CEP162: variants seen among roughly 807,000 people sequenced by gnomAD.
CEP162 encodes centrosomal protein 162, also known as centrosomal protein of 162 kDa.
A neutral mutation model predicts 169.2 loss-of-function variants in CEP162; 141 were observed. The ratio of observed to expected loss-of-function variants is 0.83; its 90% CI spans 0.73 to 0.96. The LOEUF is 0.96. Among genes scored for constraint, CEP162 ranks in the 40% least tolerant of loss-of-function variants. CEP162 has a pLI of 0.00. For missense variants in CEP162, 1,600 were observed against 1,587.2 expected (o/e 1.01, Z -0.14); for synonymous variants, 540 against 526.4 (o/e 1.03, Z -0.35).
intron 9 of CEP162, among the ~76,000 whole-genome samples, chr6:84,195,729 C>T (rs1439006569): frequency 6.6e-6 from 1 of 152,118 alleles, no homozygotes; most frequent in Non-Finnish European, 1.5e-5. Context: ...GGCAATTTTC[C>T]AACTCTTGCG....
intron 3 of CEP162, among the ~76,000 whole-genome samples, chr6:84,216,736 G>A (rs769167418): frequency 1.1e-4 from 16 of 152,148 alleles, no homozygotes; most frequent in Non-Finnish European, 2.2e-4. Context: ...TATGTGGAGA[G>A]AATTGATATG....
intron 25 of CEP162, among the ~76,000 whole-genome samples, chr6:84,144,426 C>T (rs1588719356): frequency 6.6e-6 from 1 of 151,988 alleles, no homozygotes; most frequent in Non-Finnish European, 1.5e-5. Flanking sequence ...ATATCAAGTG[C>T]ATTATAATGA....
At position 84,215,806 on chromosome 6, in the gene CEP162, G is replaced by A. The variant is rs1208166051; in HGVS notation, c.289C>T (p.Leu97Phe). 6.3e-7 allele frequency: 1 copy of A among 1,592,464 alleles called. No individual in the cohort carries two copies. Among genetic ancestry groups the A allele is most frequent in the Non-Finnish European group, 8.6e-7 (1 of 1,167,660 alleles). The change falls in exon 4 of 27, where the codon CTC becomes TTC. Residue 97 changes from leucine to phenylalanine, a missense_variant. Transcript: ENST00000403245. ...GTTTCTAAGCTATCAGTACTTAAGA[G>A]AGAGGTTCCACTGCTCTTAAGAAAT... ...IQFLKSSGTS[L>F]LSTDSLETNE...
chr6:84,164,120 T>C (rs888602061), intron 18 of CEP162, among the ~76,000 whole-genome samples: 2 of 151,684 alleles, frequency 1.3e-5, no homozygotes, highest in African/African-American at 2.4e-5. Context: ...TCACTGGTCA[T>C]AGAGAAATGC....
rs181639174 is a variant in CEP162, at chr6:84,204,900, C to T, written c.572-804G>A. The stretch of plus-strand genomic sequence containing the variant: ...AAAATGGTAAAGGGGATATCACCAC[C>T]GATCCCACAGAAATACAAACCACCA... On this transcript the variant is annotated intron_variant, in intron 6 of 26. Coordinates refer to ENST00000403245, the MANE Select transcript of CEP162 (RefSeq NM_014895.4). 8.1e-4 allele frequency among the ~76,000 whole-genome samples: 124 copies of T among 152,186 alleles called. 1 individual carries two copies. Among genetic ancestry groups the T allele is most frequent in the African/African-American group, 2.8e-3 (116 of 41,528 alleles).
rs2099508303 is a variant in CEP162, at chr6:84,124,927, A to C, written c.*143T>G. 1 of 685,448 alleles carries C rather than the reference A, an allele frequency of 1.5e-6. No homozygotes were observed. Among genetic ancestry groups the C allele is most frequent in the Non-Finnish European group, 2.5e-6 (1 of 402,508 alleles). 42.5% of individuals were successfully genotyped at this position (685,448 alleles called of 1,614,324 possible). On this transcript the variant is annotated 3_prime_UTR_variant, in exon 27 of 27. Transcript: ENST00000403245. ...GTTTTTTTTCTTATTGGTTAAAGGC[A>C]ATTTATTTTGAAATGTTGCTTTGGT...
intron 2 of CEP162, 59 bp downstream of exon 2, chr6:84,226,278 T>C: frequency 1.8e-6 from 2 of 1,112,306 alleles, no homozygotes; most frequent in South Asian, 1.3e-5. Flanking sequence ...ATGACAGAAT[T>C]GAAGGATGAG....
intron 3 of CEP162, among the ~76,000 whole-genome samples, chr6:84,217,300 CAAGA>C (rs1287399579): frequency 2.4e-4 from 36 of 152,170 alleles, no homozygotes; most frequent in Non-Finnish European, 4.0e-4. Flanking sequence ...AAAAATAAAA[CAAGA>C]AAGAGGAACA....
chr6:84,146,712 A>G lies in CEP162; in HGVS notation c.3845T>C (p.Val1282Ala), dbSNP rs1454762658. 6.4e-7 allele frequency: 1 copy of G among 1,573,072 alleles called. No individual in the cohort carries two copies. Among genetic ancestry groups the G allele is most frequent in the Non-Finnish European group, 8.6e-7 (1 of 1,158,938 alleles). ...SKQESLVVSE[V>A]REEILQKEIT... ...CTCTTTCTGTAGAATTTCTTCTCGAACTTCAGAAACTACGAGAGACTCTTG... is the reference window on the plus strand; with the variant it reads ...CTCTTTCTGTAGAATTTCTTCTCGAGCTTCAGAAACTACGAGAGACTCTTG... The change falls in exon 25 of 27, where the codon GTT (valine) becomes GCT (alanine). Residue 1282 changes from valine (V) to alanine (A), a missense_variant. Physicochemically the swap from Val to Ala is moderately conservative, Grantham distance 64. Transcript: ENST00000403245.
rs2127731991 is a variant in CEP162, at chr6:84,200,860, T to G, written c.764A>C (p.Asp255Ala). 1 of 1,611,950 alleles carries G rather than the reference T, an allele frequency of 6.2e-7. No individual in the cohort carries two copies. The change falls in exon 9 of 27, where the codon GAT becomes GCT. Residue 255 changes from aspartate (D) to alanine (A), a missense_variant. Coordinates refer to ENST00000403245, the MANE Select transcript of CEP162 (RefSeq NM_014895.4). ...CTTAGGTGTTATTTTATCTTGTTCA[T>G]CAAGATTGACCTCTGCAACAGAGTC... Reference protein sequence around the residue: ...SLDSVAEVNLDEQDKITPKPR... With the variant: ...SLDSVAEVNLAEQDKITPKPR...
intron 21 of CEP162, among the ~76,000 whole-genome samples, chr6:84,158,793 T>A (rs1274785727): frequency 2.6e-5 from 4 of 152,072 alleles, no homozygotes; most frequent in Non-Finnish European, 5.9e-5. Context: ...ATATTTTCAA[T>A]CTGATTTTGA....
At chr6:84,164,477 A>C (rs1280059474) in intron 18 of CEP162, among the ~76,000 whole-genome samples, 1 of 152,254 alleles carries the variant, frequency 6.6e-6, no homozygotes, top group Non-Finnish European at 1.5e-5. Flanking sequence ...CTGGATAAAG[A>C]AAATGTGGCA....
At chr6:84,201,367 CTT>C (rs940065913) in intron 8 of CEP162, among the ~76,000 whole-genome samples, 32 of 152,110 alleles carry the variant, frequency 2.1e-4, no homozygotes, top group African/African-American at 7.2e-4. Flanking sequence ...AATCTATAAA[CTT>C]ATATATGTAT....
At position 84,185,238 on chromosome 6, in the gene CEP162, T is replaced by C; in HGVS notation, c.1612A>G (p.Lys538Glu). The change falls in exon 13 of 27, where the codon AAA becomes GAA. Residue 538 changes from lysine to glutamate, a missense_variant. Physicochemically the swap from Lys to Glu is moderately conservative, Grantham distance 56. Coordinates refer to ENST00000403245, the MANE Select transcript of CEP162 (RefSeq NM_014895.4). Reference protein sequence around the residue: ...LEKKTSEDIIKSKNLRSISTS... With the variant: ...LEKKTSEDIIESKNLRSISTS... ...GAAATCGATCTCAAGTTTTTGCTTT[T>C]TATAATGTCCTCTGAAGTTTTCTTT... The C allele has an allele frequency of 2.5e-6, 4 of 1,613,550 alleles. No homozygotes were observed. Among genetic ancestry groups the C allele is most frequent in the Non-Finnish European group, 3.4e-6 (4 of 1,179,558 alleles).
chr6:84,209,414 G>A (rs1402426721), intron 6 of CEP162, among the ~76,000 whole-genome samples: 1 of 143,482 alleles, frequency 7.0e-6, no homozygotes, highest in Non-Finnish European at 1.5e-5. Flanking sequence ...TGCTCTTGTT[G>A]CCCAGGCTGG....
intron 10 of CEP162, among the ~76,000 whole-genome samples, chr6:84,194,268 T>C (rs370593917): frequency 2.6e-5 from 4 of 151,724 alleles, no homozygotes; most frequent in East Asian, 2.0e-4. Context: ...GGCAAGAGAA[T>C]TGCTTGAACC....
At position 84,172,149 on chromosome 6, in the gene CEP162, A is replaced by T. The variant is rs564371870; in HGVS notation, c.2167-431T>A. ...ATCACTGCTGGAGGAAGATTCTGGA[A>T]GTCTGGCTGCCAGTGGTGAGGTAAT... is the stretch of plus-strand genomic sequence containing the variant. On this transcript the variant is annotated intron_variant, in intron 16 of 26. Coordinates refer to ENST00000403245, the MANE Select transcript of CEP162 (RefSeq NM_014895.4). 2.6e-5 allele frequency among the ~76,000 whole-genome samples: 4 copies of T among 152,294 alleles called. No homozygotes were observed. In the East Asian group the frequency reaches 7.7e-4, roughly 29 times the overall value.
chr6:84,170,422 T>C (rs2099529651), intron 17 of CEP162, among the ~76,000 whole-genome samples: 1 of 143,282 alleles, frequency 7.0e-6, no homozygotes, highest in Admixed American at 7.1e-5. Context: ...AATGCATTCA[T>C]GCATTACCAC....
chr6:84,173,045 C>T (rs1213013425), intron 16 of CEP162, among the ~76,000 whole-genome samples: 1 of 152,070 alleles, frequency 6.6e-6, no homozygotes. Context: ...ATTTTTTCAC[C>T]CTCAGGGCAT....
Sources: allele counts gnomAD v4.1 joint callset (sites outside exome capture counted in the v4.1 genomes callset), GRCh38; gene constraint gnomAD v4.1.1; transcripts MANE v1.5; gene names NCBI Gene and HGNC (gene_info 2026-07-23, HGNC 2026-07-21).